The following MIA2 variants were observed in gnomAD, a reference collection of about 807,000 sequenced individuals.
MIA2 encodes MIA SH3 domain ER export factor 2.
MIA2 carries 127 observed loss-of-function variants against 167.8 expected under a neutral mutation model. That is an observed-to-expected ratio of 0.76 (90% CI 0.66 to 0.88). The LOEUF (loss-of-function observed/expected upper bound fraction) is 0.88, where lower values mean the gene tolerates loss of function less well. MIA2 is among the 40% of genes least tolerant of loss of function. MIA2 has a pLI of 0.00. For synonymous variants in MIA2, 552 were observed against 541.9 expected, an observed-to-expected ratio of 1.02 and a Z score of -0.26; for missense variants, 1,690 against 1,624.7, an observed-to-expected ratio of 1.04 and a Z score of -0.69.
At chr14:39,269,136 G>A in intron 6 of MIA2, 1 of 811,936 alleles carries the variant, frequency 1.2e-6, no homozygotes, top group Non-Finnish European at 1.5e-6. Flanking sequence ...GGCTAGGATG[G>A]CACAACATTG....
At chr14:39,347,861 G>A in intron 27 of MIA2, 90 bp downstream of exon 27, 1 of 1,208,980 alleles carries the variant, frequency 8.3e-7, no homozygotes. Context: ...CACTATTGTT[G>A]CCCAAGCTGG....
At chr14:39,309,044 C>T (rs142269122) in intron 18 of MIA2, among the ~76,000 whole-genome samples, 2 of 152,284 alleles carry the variant, frequency 1.3e-5, no homozygotes, top group Admixed American at 6.5e-5. Flanking sequence ...TTTGACTTCT[C>T]TCTTGCTTTT....
At chr14:39,316,107 C>A (rs2065378241) in intron 21 of MIA2, among the ~76,000 whole-genome samples, 1 of 152,106 alleles carries the variant, frequency 6.6e-6, no homozygotes, top group Non-Finnish European at 1.5e-5. Flanking sequence ...TCTTAGAAGC[C>A]CCTTCTAGTT....
intron 14 of MIA2, among the ~76,000 whole-genome samples, chr14:39,301,043 C>CACATATATACATAT (rs1272294047): frequency 5.9e-4 from 1 of 1,698 alleles, no homozygotes; most frequent in African/African-American, 1.9e-3. Flanking sequence ...TATACATACA[C>CACATATATACATAT]ACACACACAC....
intron 2 of MIA2, among the ~76,000 whole-genome samples, chr14:39,239,905 G>A (rs1469266285): frequency 1.3e-5 from 2 of 152,188 alleles, no homozygotes; most frequent in African/African-American, 4.8e-5. Flanking sequence ...CTGGATTAGA[G>A]GGCCAAAAGA....
Position 39,247,106 on chromosome 14 carries a change from G to C in MIA2, c.532G>C (p.Val178Leu), listed in dbSNP as rs2054351363. ...TYESTLFEDQ[V>L]PALEAPEDIG... ...TGAAAGTACTTTGTTTGAAGACCAA[G>C]TTCCAGCATTAGAGGCTCCTGAAGA... Residue 178 changes from valine to leucine, a missense_variant, in exon 4 of 29, where the codon GTT becomes CTT. Val to Leu is a conservative substitution (Grantham distance 32). Transcript: ENST00000640607. 6.2e-7 allele frequency: 1 copy of C among 1,608,706 alleles called. No individual in the cohort carries two copies. Among genetic ancestry groups the C allele is most frequent in the Non-Finnish European group, 8.5e-7 (1 of 1,178,780 alleles).
At chr14:39,295,828 G>T (rs1427688002) in intron 13 of MIA2, among the ~76,000 whole-genome samples, 4 of 152,162 alleles carry the variant, frequency 2.6e-5, no homozygotes, top group Non-Finnish European at 5.9e-5. Context: ...AAAGTGTTGG[G>T]ATTACAGGCG....
At position 39,293,444 on chromosome 14, in the gene MIA2, A is replaced by G. The variant is rs578164342; in HGVS notation, c.2319+63A>G. The G allele has an allele frequency of 5.8e-4, 639 of 1,095,400 alleles. 1 individual carries two copies. The highest frequency in any genetic ancestry group is 4.2e-3 in the East Asian group (174 of 40,974). The allele number at this position is 1,095,400 out of a possible 1,614,324, so 67.9% of individuals were successfully genotyped here. A position where few individuals can be genotyped will look rare whatever the true frequency, so the allele number is the denominator to read the frequency against. Reference sequence around the variant, plus strand: ...AAAGTTACTGAGCTTTAAAAAATTAATATGATACTGGTTAAAGTATTACAT... The same window carrying G: ...AAAGTTACTGAGCTTTAAAAAATTAGTATGATACTGGTTAAAGTATTACAT... On this transcript the variant is annotated intron_variant, in intron 11 of 28. Coordinates refer to ENST00000640607, the MANE Select transcript of MIA2 (RefSeq NM_001329214.4).
chr14:39,255,279 G>A (rs962290819), intron 6 of MIA2, among the ~76,000 whole-genome samples: 10 of 152,264 alleles, frequency 6.6e-5, no homozygotes, highest in African/African-American at 2.4e-4. Context: ...AGGCCAAAGT[G>A]GGCCGATCAG....
At position 39,314,808 on chromosome 14, in the gene MIA2, A is replaced by ATTTGTGTGTGTGTG; in HGVS notation, c.3180+10_3180+11insTTGTGTGTGTGTGT. 1 of 1,093,612 alleles carries ATTTGTGTGTGTGTG rather than the reference A, an allele frequency of 9.1e-7. No homozygotes were observed. The highest frequency in any genetic ancestry group is 1.8e-5 in the South Asian group (1 of 55,674). 67.7% of individuals were successfully genotyped at this position (1,093,612 alleles called of 1,614,324 possible). A position where few individuals can be genotyped will look rare whatever the true frequency, so the allele number is the denominator to read the frequency against. The stretch of plus-strand genomic sequence containing the variant: ...ATTCTTATCAAGGGCAGGTATATAT[A>ATTTGTGTGTGTGTG]TATGTGTGTGTGTGTGTGTGTGTGT... On this transcript the variant is annotated intron_variant, in intron 20 of 28. Transcript: ENST00000640607.
chr14:39,386,426 C>A, intron 23 of MIA2: 1 of 1,552,606 alleles, frequency 6.4e-7, no homozygotes, highest in Non-Finnish European at 8.9e-7. Context: ...AAGGCTGTTT[C>A]TAGCAGAACC....
chr14:39,313,855 T>C, intron 19 of MIA2, among the ~76,000 whole-genome samples: 1 of 152,140 alleles, frequency 6.6e-6, no homozygotes, highest in Non-Finnish European at 1.5e-5. Context: ...TTTGGAAGTA[T>C]TTAAAAGACT....
At chr14:39,256,237 C>A (rs900896363) in intron 6 of MIA2, among the ~76,000 whole-genome samples, 1 of 152,138 alleles carries the variant, frequency 6.6e-6, no homozygotes, top group East Asian at 1.9e-4. Context: ...AGTTCATAAT[C>A]TTCAGGCTAA....
intron 23 of MIA2, among the ~76,000 whole-genome samples, chr14:39,373,308 A>G (rs1248743267): frequency 1.3e-5 from 1 of 77,398 alleles, no homozygotes; most frequent in Non-Finnish European, 2.8e-5. Flanking sequence ...TTCTTGGCCA[A>G]AAAAAAAAAA....
At chr14:39,295,707 G>A (rs763091094) in intron 13 of MIA2, among the ~76,000 whole-genome samples, 1 of 151,962 alleles carries the variant, frequency 6.6e-6, no homozygotes, top group Non-Finnish European at 1.5e-5. Flanking sequence ...CTACAGGCGC[G>A]CGCCTCCACG....
At chr14:39,267,559 G>A in intron 6 of MIA2, 1 of 1,607,306 alleles carries the variant, frequency 6.2e-7, no homozygotes, top group Non-Finnish European at 8.5e-7. Flanking sequence ...GTGGCCCAGG[G>A]GTCGCGGGAG....
At chr14:39,362,667 A>G (rs1262223167) in intron 23 of MIA2, among the ~76,000 whole-genome samples, 4 of 151,480 alleles carry the variant, frequency 2.6e-5, no homozygotes, top group Non-Finnish European at 5.9e-5. Context: ...TTGTTTTTCT[A>G]GTCTCTATTT....
intron 9 of MIA2, among the ~76,000 whole-genome samples, chr14:39,280,137 C>G (rs1204328209): frequency 6.6e-6 from 1 of 152,026 alleles, no homozygotes; most frequent in Non-Finnish European, 1.5e-5. Flanking sequence ...CTCTGTTGTT[C>G]TGTAGTGTCA....
chr14:39,347,660 T>A (rs1226859976), intron 26 of MIA2, 53 bp from the exon 27 acceptor site: 2 of 1,578,964 alleles, frequency 1.3e-6, no homozygotes, highest in African/African-American at 2.7e-5. Flanking sequence ...GGAGATACTC[T>A]AGGAATAAAG....
Sources: allele counts gnomAD v4.1 joint callset (sites outside exome capture counted in the v4.1 genomes callset), GRCh38; gene constraint gnomAD v4.1.1; transcripts MANE v1.5; gene names NCBI Gene and HGNC (gene_info 2026-07-23, HGNC 2026-07-21).